The following ZNF827 variants were observed in gnomAD, a reference collection of about 807,000 sequenced individuals.
ZNF827 encodes zinc finger protein 827.
Under a neutral mutation model 102.4 loss-of-function variants are expected in ZNF827, and 13 were observed. That is an observed-to-expected ratio of 0.13 (90% CI 0.08 to 0.20). The LOEUF is 0.20. Among genes scored for constraint, ZNF827 ranks in the 10% least tolerant of loss-of-function variants. ZNF827 has a pLI of 1.00. For synonymous variants in ZNF827, 523 were observed against 536.2 expected (o/e 0.98, Z 0.34); for missense variants, 1,103 against 1,344.4 (o/e 0.82, Z 2.81).
intron 8 of ZNF827, among the ~76,000 whole-genome samples, chr4:145,805,386 A>T (rs1741317669): frequency 1.3e-5 from 2 of 152,204 alleles, no homozygotes; most frequent in South Asian, 4.1e-4. Flanking sequence ...AAAAATCCCC[A>T]AATTTCAACC....
intron 1 of ZNF827, 96 bp downstream of exon 1, chr4:145,938,269 A>G: frequency 6.8e-7 from 1 of 1,473,320 alleles, no homozygotes; most frequent in Non-Finnish European, 9.5e-7. Context: ...GTAACCCTAA[A>G]CTAATGCAGA....
At chr4:145,907,163 G>T (rs1448042934) in intron 1 of ZNF827, 1 of 456,422 alleles carries the variant, frequency 2.2e-6, no homozygotes, top group Admixed American at 2.4e-5. Context: ...AAACAAATAT[G>T]TCTGTGTTCA....
chr4:145,838,254 T>C (rs13114526), intron 7 of ZNF827, among the ~76,000 whole-genome samples: 36,092 of 147,612 alleles, frequency 0.24, 4,644 homozygotes, highest in Non-Finnish European at 0.29. Flanking sequence ...TGAAAGTCCT[T>C]TTCCTGGCTC....
Sources: gnomAD v4.1 joint callset for allele counts (sites outside exome capture counted in the v4.1 genomes callset) on GRCh38, gnomAD v4.1.1 for gene constraint, MANE v1.5 for transcripts, NCBI Gene and HGNC (gene_info 2026-07-23, HGNC 2026-07-21) for gene names.